Variants in RIPPLY2 observed in about 807,000 individuals in gnomAD.
The protein encoded by RIPPLY2 is protein ripply2.
A neutral mutation model predicts 17.7 loss-of-function variants in RIPPLY2; 20 were observed. That is an observed-to-expected ratio of 1.13 (90% CI 0.79 to 1.64). The LOEUF is 1.64. Ranked by LOEUF, RIPPLY2 falls within the 40% of genes most tolerant of loss-of-function variation. The probability of loss-of-function intolerance (pLI) is 0.00; values close to 1 mark genes in which losing one functional copy is unlikely to be tolerated. For missense variants in RIPPLY2, 213 were observed against 169.8 expected (o/e 1.25, Z -1.41); for synonymous variants, 69 against 63.9 (o/e 1.08, Z -0.38).
chr6:83,857,364 T>A lies in RIPPLY2; in HGVS notation c.362T>A (p.Ile121Asn). The A allele has an allele frequency of 6.3e-7, 1 of 1,584,644 alleles. No homozygotes were observed. Among genetic ancestry groups the A allele is most frequent in the East Asian group, 2.3e-5 (1 of 43,012 alleles). Residue 121 changes from isoleucine (I) to asparagine (N), a missense_variant, in exon 4 of 4, where the codon ATT (isoleucine) becomes AAT (asparagine). Transcript: ENST00000369689. The part of the protein sequence containing the change: ...FYEDSDSEDE[I>N]EDLTCEN ...GAAGATTCTGATAGCGAAGATGAAA[T>A]TGAGGATCTGACCTGTGAAAATTAA... is the stretch of plus-strand genomic sequence containing the variant.
chr6:83,853,673 C>T (rs375565048), intron 1 of RIPPLY2, 22 bp from the exon 2 acceptor site: 2 of 1,608,938 alleles, frequency 1.2e-6, no homozygotes, highest in East Asian at 2.2e-5. Flanking sequence ...CTCTGCGCGC[C>T]TTGTGCTCCC....
chr6:83,856,091 A>T (rs1221586896), intron 3 of RIPPLY2: 1 of 152,034 alleles, frequency 6.6e-6, no homozygotes, highest in East Asian at 1.9e-4. Flanking sequence ...ATTTTTATTC[A>T]TTTATATCTT....
intron 1 of RIPPLY2, 30 bp from the exon 2 acceptor site, chr6:83,853,665 C>T (rs1395850114): frequency 6.2e-7 from 1 of 1,606,512 alleles, no homozygotes; most frequent in East Asian, 2.2e-5. Flanking sequence ...CACGTCTCCT[C>T]TGCGCGCCTT....
At position 83,854,165 on chromosome 6, in the gene RIPPLY2, A is replaced by T; in HGVS notation, c.239+4A>T. On this transcript the variant is annotated splice_donor_region_variant and intron_variant, in intron 3 of 3. Transcript: ENST00000369689. ...ACCAATTCAGGCACCCAGTCAGGTG[A>T]GTGACAGGCCTCGCCGAAGGTCTCC... 1.2e-6 allele frequency: 2 copies of T among 1,613,306 alleles called. No homozygotes were observed. Among genetic ancestry groups the T allele is most frequent in the Non-Finnish European group, 1.7e-6 (2 of 1,179,362 alleles).
chr6:83,853,686 A>G lies in RIPPLY2; in HGVS notation c.96-9A>G, dbSNP rs369948293. ...TCCTCTGCGCGCCTTGTGCTCCCCT[A>G]TCCCGCAGATACGCAGGCTTCTGGA... On this transcript the variant is annotated splice_polypyrimidine_tract_variant and intron_variant, in intron 1 of 3. Transcript: ENST00000369689. The G allele has an allele frequency of 1.2e-6, 2 of 1,612,996 alleles. No individual in the cohort carries two copies. Among genetic ancestry groups the G allele is most frequent in the African/African-American group, 1.3e-5 (1 of 74,868 alleles).
chr6:83,855,666 C>A (rs962675795), intron 3 of RIPPLY2: 2 of 152,050 alleles, frequency 1.3e-5, no homozygotes, highest in Admixed American at 1.3e-4. Context: ...GAACTGCGTA[C>A]GTAAGTTAGG....
In RIPPLY2 at chr6:83,853,585, C is replaced by T. The variant is rs1465876859; in HGVS notation, c.95+74C>T. 8.5e-6 allele frequency: 13 copies of T among 1,537,104 alleles called. No homozygotes were observed. In the South Asian group the frequency reaches 1.5e-4, roughly 17 times the overall value. ...CCTCCTGCGCCTCCCCAGCTCCTCC[C>T]CTCCAACTCTCCATCCCCCACTGCC... On this transcript the variant is annotated intron_variant, in intron 1 of 3. Coordinates refer to ENST00000369689, the MANE Select transcript of RIPPLY2 (RefSeq NM_001009994.3).
chr6:83,857,455 A>T lies in RIPPLY2; in HGVS notation c.*66A>T, dbSNP rs2099455168. ...TTTAAATTTAGTGTACAAATGTATCATAATTATTTTAAACTAATTTATTTG... is the reference window on the plus strand; with the variant it reads ...TTTAAATTTAGTGTACAAATGTATCTTAATTATTTTAAACTAATTTATTTG... On this transcript the variant is annotated 3_prime_UTR_variant, in exon 4 of 4. Coordinates refer to ENST00000369689, the MANE Select transcript of RIPPLY2 (RefSeq NM_001009994.3). The T allele has an allele frequency of 9.9e-7, 1 of 1,013,982 alleles. No homozygotes were observed. The highest frequency in any genetic ancestry group is 1.7e-5 in the African/African-American group (1 of 59,466). 62.8% of individuals were successfully genotyped at this position (1,013,982 alleles called of 1,614,324 possible). A position where few individuals can be genotyped will look rare whatever the true frequency, so the allele number is the denominator to read the frequency against.
At position 83,853,452 on chromosome 6, in the gene RIPPLY2, T is replaced by C. The variant is rs557571290; in HGVS notation, c.36T>C (p.Ser12=). The C allele has an allele frequency of 1.4e-5, 22 of 1,543,402 alleles. No homozygotes were observed. In the African/African-American group the frequency reaches 2.3e-4, roughly 16 times the overall value. The change falls in exon 1 of 4, where the codon AGT becomes AGC. Residue 12 remains serine (S), a synonymous_variant. Transcript: ENST00000369689. ...ENAGGAEGTE[S]GAAACAATDG... is the part of the protein sequence containing the mutation. The stretch of plus-strand genomic sequence containing the variant: ...CGGGAGGCGCAGAGGGTACAGAGAG[T>C]GGAGCTGCGGCGTGCGCGGCCACCG...
intron 3 of RIPPLY2, chr6:83,855,625 A>T (rs770569296): frequency 1.3e-5 from 2 of 152,232 alleles, no homozygotes; most frequent in Admixed American, 6.5e-5. Context: ...TAATGTGCCT[A>T]TGGGGCATCC....
chr6:83,857,094 T>C (rs2099455095), intron 3 of RIPPLY2, 148 bp from the exon 4 acceptor site: 2 of 441,514 alleles, frequency 4.5e-6, no homozygotes, highest in Non-Finnish European at 8.1e-6. Context: ...AAGGCTGTGA[T>C]AGTAGCATAT....
intron 3 of RIPPLY2, chr6:83,854,724 G>A (rs189768804): frequency 6.5e-6 from 1 of 153,588 alleles, no homozygotes; most frequent in East Asian, 1.9e-4. Flanking sequence ...AAGATTCTGT[G>A]TCACTTTTAT....
upstream of RIPPLY2, chr6:83,853,335 A>G (rs1298029562): frequency 8.6e-7 from 1 of 1,157,198 alleles, no homozygotes; most frequent in African/African-American, 1.6e-5. Flanking sequence ...AGGGCTATAT[A>G]AAGCTCGGGT....
intron 3 of RIPPLY2, chr6:83,855,141 G>C (rs758604447): frequency 1.3e-5 from 2 of 152,272 alleles, no homozygotes; most frequent in Non-Finnish European, 2.9e-5. Context: ...CTCCTTGCGG[G>C]AACTCCAAGG....
intron 2 of RIPPLY2, 128 bp from the exon 3 acceptor site, chr6:83,853,969 C>T: frequency 9.3e-7 from 1 of 1,078,368 alleles, no homozygotes; most frequent in Non-Finnish European, 1.4e-6. Context: ...AGGCACCCAG[C>T]CGGGAGCGAG....
intron 3 of RIPPLY2, chr6:83,855,843 G>T (rs936680616): frequency 7.2e-5 from 11 of 152,244 alleles, no homozygotes; most frequent in African/African-American, 2.7e-4. Context: ...AGTACACAGA[G>T]AAAGAGAGGT....
intron 1 of RIPPLY2, 31 bp from the exon 2 acceptor site, chr6:83,853,664 T>C (rs780051625): frequency 6.2e-7 from 1 of 1,606,214 alleles, no homozygotes; most frequent in Admixed American, 1.7e-5. Context: ...TCACGTCTCC[T>C]CTGCGCGCCT....
intron 3 of RIPPLY2, chr6:83,856,064 T>C (rs1437799971): frequency 6.6e-6 from 1 of 152,216 alleles, no homozygotes; most frequent in Non-Finnish European, 1.5e-5. Flanking sequence ...TACAATTTAA[T>C]TGTTCTCTTA....
At chr6:83,853,860 A>G (rs1026835752) in intron 2 of RIPPLY2, 87 bp downstream of exon 2, 65 of 1,238,874 alleles carry the variant, frequency 5.2e-5, no homozygotes, top group Non-Finnish European at 6.9e-5. Flanking sequence ...TGAGAGAGAC[A>G]TGCGAGACAC....
Sources: allele counts gnomAD v4.1 joint callset, GRCh38; gene constraint gnomAD v4.1.1; transcripts MANE v1.5; gene names NCBI Gene and HGNC (gene_info 2026-07-23, HGNC 2026-07-21).